The following C1QTNF8 variants were observed in gnomAD, a reference collection of about 807,000 sequenced individuals.
C1QTNF8 encodes complement C1q tumor necrosis factor-related protein 8.
In C1QTNF8, 27 loss-of-function variants were observed where a neutral mutation model predicts 19.2. The observed-to-expected ratio is 1.41, with a 90% CI of 1.04 to 1.94. The LOEUF (loss-of-function observed/expected upper bound fraction) is 1.94, where lower values mean the gene tolerates loss of function less well. C1QTNF8 is among the 30% of genes most tolerant of loss of function. C1QTNF8 has a pLI of 0.00. For missense variants in C1QTNF8, 484 were observed against 374.4 expected, an observed-to-expected ratio of 1.29 and a Z score of -2.42; for synonymous variants, 208 against 172.8, an observed-to-expected ratio of 1.20 and a Z score of -1.60.
At chr16:1,095,419 C>T (rs961953409) in intron 2 of C1QTNF8, among the ~76,000 whole-genome samples, 196 bp downstream of exon 2, 10 of 152,132 alleles carry the variant, frequency 6.6e-5, no homozygotes, top group Admixed American at 1.3e-4. Context: ...GCCTCTCGTC[C>T]GGAGCCCCCA....
At chr16:1,091,326 G>A (rs543300414) in intron 4 of C1QTNF8, among the ~76,000 whole-genome samples, 1 of 152,248 alleles carries the variant, frequency 6.6e-6, no homozygotes, top group African/African-American at 2.4e-5. Flanking sequence ...TCCTGATGCT[G>A]CTCCTGCCCG....
intron 3 of C1QTNF8, 156 bp downstream of exon 3, chr16:1,094,559 A>C: frequency 3.9e-6 from 2 of 515,988 alleles, no homozygotes; most frequent in Non-Finnish European, 3.2e-6. Context: ...TTGCGGGGGG[A>C]GCCCAGGGGT....
intron 4 of C1QTNF8, among the ~76,000 whole-genome samples, chr16:1,092,203 G>C (rs1960559710): frequency 6.6e-6 from 1 of 152,208 alleles, no homozygotes; most frequent in African/African-American, 2.4e-5. Context: ...GCAGGTGCGG[G>C]TCAGACTTGC....
chr16:1,089,854 C>T lies in C1QTNF8; in HGVS notation c.*745G>A, dbSNP rs932249680. ...TGTTCGGGCGCCTTTCTCTCTAAGG[C>T]GGAAGCCTCTGTGCCAAGGCCCCGT... On this transcript the variant is annotated 3_prime_UTR_variant, in exon 5 of 5. Transcript: ENST00000328449. 2.0e-5 allele frequency among the ~76,000 whole-genome samples: 3 copies of T among 152,212 alleles called. No homozygotes were observed. Among genetic ancestry groups the T allele is most frequent in the Middle Eastern group, 3.2e-3 (1 of 316 alleles).
At chr16:1,092,232 T>C (rs1041287443) in intron 4 of C1QTNF8, among the ~76,000 whole-genome samples, 3 of 152,160 alleles carry the variant, frequency 2.0e-5, no homozygotes, top group Non-Finnish European at 4.4e-5. Flanking sequence ...CACCCAGCAC[T>C]CCACATGGCC....
chr16:1,094,855 C>T lies in C1QTNF8; in HGVS notation c.68G>A (p.Arg23Lys). ...LPVGAWPGLP[R>K]RPCVHCCRPA... ...GCGGCAGCAGTGCACACAGGGCCTCCTGGGCAGCCCGGGCCAGGCCCCCAC... is the reference window on the plus strand; with the variant it reads ...GCGGCAGCAGTGCACACAGGGCCTCTTGGGCAGCCCGGGCCAGGCCCCCAC... Residue 23 changes from arginine to lysine, a missense_variant, in exon 3 of 5, where the codon AGG becomes AAG. By Grantham distance (26) the Arg-to-Lys change is conservative. Transcript: ENST00000328449. 1 of 1,424,008 alleles carries T rather than the reference C, an allele frequency of 7.0e-7. No homozygotes were observed. Among genetic ancestry groups the T allele is most frequent in the Non-Finnish European group, 9.2e-7 (1 of 1,086,074 alleles). The allele number at this position is 1,424,008 out of a possible 1,614,324, so 88.2% of individuals were successfully genotyped here.
In C1QTNF8 at chr16:1,093,863, A is replaced by G. The variant is rs1567393330; in HGVS notation, c.397T>C (p.Phe133Leu). 6.2e-7 allele frequency: 1 copy of G among 1,602,020 alleles called. No homozygotes were observed. ...RREGLHSSDH[F>L]QAVPFDTELV... ...TCCGTGTCGAAGGGCACCGCCTGGA[A>G]GTGGTCGGAGCTGTGCAGGCCCTCG... The change falls in exon 4 of 5, where the codon TTC becomes CTC. Residue 133 changes from phenylalanine to leucine, a missense_variant. By Grantham distance (22) the Phe-to-Leu change is conservative. Transcript: ENST00000328449.
rs1485167254 is a variant in C1QTNF8, at chr16:1,093,823, T to A, written c.437A>T (p.Asp146Val). 1 of 1,609,272 alleles carries A rather than the reference T, an allele frequency of 6.2e-7. No individual in the cohort carries two copies. The highest frequency in any genetic ancestry group is 1.3e-5 in the African/African-American group (1 of 74,864). The change falls in exon 4 of 5, where the codon GAC becomes GTC. Residue 146 changes from aspartate (D) to valine (V), a missense_variant. By Grantham distance (152) the Asp-to-Val change is radical. Transcript: ENST00000328449. ...GCCCGCGGCCAGGTCGAAGGCGCCG[T>A]CCAGGTTCACCAGCTCCGTGTCGAA... The part of the protein sequence containing the change: ...VPFDTELVNL[D>V]GAFDLAAGRF...
chr16:1,092,434 T>A (rs965692096), intron 4 of C1QTNF8, among the ~76,000 whole-genome samples: 1 of 149,022 alleles, frequency 6.7e-6, no homozygotes, highest in Non-Finnish European at 1.5e-5. Flanking sequence ...CAGTCGGCAC[T>A]CAACCAATCA....
At chr16:1,093,453 C>T in intron 4 of C1QTNF8, 44 bp downstream of exon 4, 1 of 1,394,132 alleles carries the variant, frequency 7.2e-7, no homozygotes, top group Non-Finnish European at 9.4e-7. Context: ...GACACACACA[C>T]ACACGCGCGC....
chr16:1,094,617 C>G (rs1177371867), intron 3 of C1QTNF8, 98 bp downstream of exon 3: 1 of 964,580 alleles, frequency 1.0e-6, no homozygotes, highest in Non-Finnish European at 1.5e-6. Context: ...CTCAGCGTGC[C>G]CCTCCCGCCC....
Position 1,089,658 on chromosome 16 carries a change from C to T in C1QTNF8, c.*941G>A, listed in dbSNP as rs768236849. Among the ~76,000 whole-genome samples, 35 of 152,178 alleles carry T rather than the reference C, an allele frequency of 2.3e-4. No homozygotes were observed. The highest frequency in any genetic ancestry group is 4.4e-4 in the Non-Finnish European group (30 of 68,022). ...GAACGGGCTGAGTGAGCACAAGGCT[C>T]CCCAGAGTGCTGACCAGGCGCCCTG... On this transcript the variant is annotated 3_prime_UTR_variant, in exon 5 of 5. Coordinates refer to ENST00000328449, the MANE Select transcript of C1QTNF8 (RefSeq NM_207419.3).
Position 1,093,947 on chromosome 16 carries a change from C to T in C1QTNF8, c.313G>A (p.Val105Met), listed in dbSNP as rs1160349707. Residue 105 changes from valine to methionine, a missense_variant, in exon 4 of 5, where the codon GTG (valine) becomes ATG (methionine). Coordinates refer to ENST00000328449, the MANE Select transcript of C1QTNF8 (RefSeq NM_207419.3). ...CGGCACGCGGCGCCCGGCGGCCCCACCTGCCCCTTCTGGCCTCTGCGGCCC... is the reference window on the plus strand; with the variant it reads ...CGGCACGCGGCGCCCGGCGGCCCCATCTGCCCCTTCTGGCCTCTGCGGCCC... ...LQGRRGQKGQ[V>M]GPPGAACRRA... 6.7e-7 allele frequency: 1 copy of T among 1,503,048 alleles called. No individual in the cohort carries two copies. 93.1% of individuals were successfully genotyped at this position (1,503,048 alleles called of 1,614,324 possible).
Position 1,093,810 on chromosome 16 carries a change from G to A in C1QTNF8, c.450C>T (p.Asp150=). ...TELVNLDGAF[D]LAAGRFLCTV... is the part of the protein sequence containing the mutation. ...TGCAGAGGAAGCGGCCCGCGGCCAG[G>A]TCGAAGGCGCCGTCCAGGTTCACCA... is the stretch of plus-strand genomic sequence containing the variant. Residue 150 remains aspartate (D), a synonymous_variant, in exon 4 of 5, where the codon GAC becomes GAT. Transcript: ENST00000328449. The A allele has an allele frequency of 6.2e-7, 1 of 1,610,610 alleles. No homozygotes were observed. Among genetic ancestry groups the A allele is most frequent in the Non-Finnish European group, 8.5e-7 (1 of 1,179,616 alleles).
Position 1,094,820 on chromosome 16 carries a change from G to A in C1QTNF8, c.103C>T (p.Pro35Ser), listed in dbSNP as rs201738250. The A allele has an allele frequency of 4.1e-6, 6 of 1,480,554 alleles. No individual in the cohort carries two copies. The Admixed American group carries it at 7.0e-5, about 17-fold the overall frequency. 91.7% of individuals were successfully genotyped at this position (1,480,554 alleles called of 1,614,324 possible). A position where few individuals can be genotyped will look rare whatever the true frequency, so the allele number is the denominator to read the frequency against. ...PCVHCCRPAW[P>S]PGPYARVSDR... The stretch of plus-strand genomic sequence containing the variant: ...CTCACCCGGGCATAGGGTCCAGGGG[G>A]CCAGGCCGGGCGGCAGCAGTGCACA... The change falls in exon 3 of 5, where the codon CCC (proline) becomes TCC (serine). Residue 35 changes from proline (P) to serine (S), a missense_variant. Transcript: ENST00000328449.
intron 2 of C1QTNF8, among the ~76,000 whole-genome samples, chr16:1,095,266 C>T (rs371774280): frequency 2.2e-4 from 34 of 152,336 alleles, no homozygotes; most frequent in South Asian, 1.2e-3. Context: ...AGCGGGTAGC[C>T]GCCCAAGGCC....
chr16:1,090,799 C>G (rs1184786122), intron 4 of C1QTNF8, among the ~76,000 whole-genome samples: 1 of 152,212 alleles, frequency 6.6e-6, no homozygotes, highest in Non-Finnish European at 1.5e-5. Flanking sequence ...GACTGAGCAG[C>G]CCCTCAGGCT....
At position 1,094,822 on chromosome 16, in the gene C1QTNF8, C is replaced by T. The variant is rs756575480; in HGVS notation, c.101G>A (p.Trp34Ter). 8.8e-6 allele frequency: 13 copies of T among 1,479,202 alleles called. No homozygotes were observed. Among genetic ancestry groups the T allele is most frequent in the Admixed American group, 7.0e-5 (3 of 42,754 alleles). The allele number at this position is 1,479,202 out of a possible 1,614,324, so 91.6% of individuals were successfully genotyped here. ...RPCVHCCRPA[W>*]PPGPYARVSD... Reference sequence around the variant, plus strand: ...CACCCGGGCATAGGGTCCAGGGGGCCAGGCCGGGCGGCAGCAGTGCACACA... The same window carrying T: ...CACCCGGGCATAGGGTCCAGGGGGCTAGGCCGGGCGGCAGCAGTGCACACA... The change falls in exon 3 of 5, where the codon TGG becomes TAG. Residue 34 changes from tryptophan to a stop codon, truncating the protein, a stop_gained. Transcript: ENST00000328449. LOFTEE classifies it high-confidence loss of function.
At chr16:1,094,495 C>A (rs1960642331) in intron 3 of C1QTNF8, 2 of 498,422 alleles carry the variant, frequency 4.0e-6, no homozygotes, top group East Asian at 7.0e-5. Flanking sequence ...CCCCAGGATC[C>A]TCAGCACCCC....
Sources: gnomAD v4.1 joint callset for allele counts (sites outside exome capture counted in the v4.1 genomes callset) on GRCh38, gnomAD v4.1.1 for gene constraint, MANE v1.5 for transcripts, NCBI Gene and HGNC (gene_info 2026-07-23, HGNC 2026-07-21) for gene names.